Variants in PIEZO2 observed in about 807,000 individuals in gnomAD.
The protein encoded by PIEZO2 is piezo-type mechanosensitive ion channel component 2.
PIEZO2 carries 172 observed loss-of-function variants against 337.3 expected under a neutral mutation model. The ratio of observed to expected loss-of-function variants is 0.51; its 90% CI spans 0.45 to 0.58. The LOEUF (loss-of-function observed/expected upper bound fraction) is 0.58. PIEZO2 is among the 20% of genes least tolerant of loss of function. PIEZO2 has a pLI of 0.00. For synonymous variants in PIEZO2, 1,251 were observed against 1,228.5 expected, an observed-to-expected ratio of 1.02 and a Z score of -0.38; for missense variants, 3,028 against 3,391.3, an observed-to-expected ratio of 0.89 and a Z score of 2.66.
intron 2 of PIEZO2, among the ~76,000 whole-genome samples, chr18:11,004,067 A>G (rs1449367418): frequency 6.6e-6 from 1 of 152,222 alleles, no homozygotes; most frequent in Admixed American, 6.5e-5. Context: ...GCCTGCCTGC[A>G]GAAACTCCCT....
Position 10,860,987 on chromosome 18 carries a change from G to C in PIEZO2, c.493-3776C>G, listed in dbSNP as rs1425870028. Among the ~76,000 whole-genome samples, 3 of 152,332 alleles carry C rather than the reference G, an allele frequency of 2.0e-5. No homozygotes were observed. In the East Asian group the frequency reaches 5.8e-4, roughly 29 times the overall value. ...AAGCTGAGAGCCAAGAGCGAGACGG[G>C]TTAGACTCTGTGAGCCCCTACTGTC... On this transcript the variant is annotated intron_variant, in intron 5 of 55. Transcript: ENST00000674853.
chr18:11,051,543 C>G (rs2037538446), intron 2 of PIEZO2, among the ~76,000 whole-genome samples: 3 of 152,088 alleles, frequency 2.0e-5, no homozygotes, highest in African/African-American at 7.2e-5. Flanking sequence ...AACTGATTCT[C>G]CCAAGAAAGA....
At chr18:11,075,907 G>C (rs1310315972) in intron 1 of PIEZO2, among the ~76,000 whole-genome samples, 1 of 149,904 alleles carries the variant, frequency 6.7e-6, no homozygotes, top group African/African-American at 2.5e-5. Flanking sequence ...TCCTGCCTCA[G>C]CCTCCCGAGT....
intron 28 of PIEZO2, among the ~76,000 whole-genome samples, chr18:10,752,397 C>A (rs1167426853): frequency 6.6e-6 from 1 of 152,154 alleles, no homozygotes; most frequent in African/African-American, 2.4e-5. Context: ...AGAATTTATT[C>A]CTATGAACAC....
At chr18:11,049,931 T>A (rs2037464160) in intron 2 of PIEZO2, among the ~76,000 whole-genome samples, 1 of 152,206 alleles carries the variant, frequency 6.6e-6, no homozygotes, top group Non-Finnish European at 1.5e-5. Flanking sequence ...TAACACTTAT[T>A]GTAGCCAAAT....
At position 10,791,344 on chromosome 18, in the gene PIEZO2, A is replaced by G. The variant is rs1358992427; in HGVS notation, c.1759-20T>C. The G allele has an allele frequency of 4.1e-6, 6 of 1,474,046 alleles. No homozygotes were observed. Among genetic ancestry groups the G allele is most frequent in the Non-Finnish European group, 5.4e-6 (6 of 1,116,322 alleles). 91.3% of individuals were successfully genotyped at this position (1,474,046 alleles called of 1,614,324 possible). ...AAGGATCTGAAAGTAGAGAAGCAGC[A>G]AAACAAGAATTAAGCAACCATTTGG... is the stretch of plus-strand genomic sequence containing the variant. On this transcript the variant is annotated intron_variant, in intron 13 of 55. Transcript: ENST00000674853.
At chr18:10,956,444 T>C (rs560587998) in intron 3 of PIEZO2, among the ~76,000 whole-genome samples, 1 of 152,100 alleles carries the variant, frequency 6.6e-6, no homozygotes, top group Non-Finnish European at 1.5e-5. Flanking sequence ...TGTTAAAATC[T>C]CCCTACTACT....
Position 11,096,922 on chromosome 18 carries a change from C to T in PIEZO2, c.65-30700G>A, listed in dbSNP as rs1568370435. ...GCTTTCATCTGCAGCCCTCCAATCC[C>T]TATCCTGGAGAAGGAAGCTGGCACA... is the stretch of plus-strand genomic sequence containing the variant. On this transcript the variant is annotated intron_variant, in intron 1 of 55. Coordinates refer to ENST00000674853, the MANE Select transcript of PIEZO2 (RefSeq NM_001378183.1). The surrounding 1 kb of genome is among the most constrained non-coding windows in gnomAD (Gnocchi z 4.6). Among the ~76,000 whole-genome samples the T allele has an allele frequency of 2.6e-5, 4 of 152,192 alleles. No individual in the cohort carries two copies. The South Asian group carries it at 8.3e-4, about 31-fold the overall frequency.
rs538757262 is a variant in PIEZO2, at chr18:10,830,962, G to A, written c.918-23688C>T. 3.2e-4 allele frequency among the ~76,000 whole-genome samples: 48 copies of A among 152,116 alleles called. No individual in the cohort carries two copies. The highest frequency in any genetic ancestry group is 5.1e-4 in the Non-Finnish European group (35 of 68,006). ...GCATAATTTATCACCAGAGAAATGCGAATCAAAACTACAAATTATCTCACC... is the reference window on the plus strand; with the variant it reads ...GCATAATTTATCACCAGAGAAATGCAAATCAAAACTACAAATTATCTCACC... On this transcript the variant is annotated intron_variant, in intron 7 of 55. Coordinates refer to ENST00000674853, the MANE Select transcript of PIEZO2 (RefSeq NM_001378183.1). The surrounding 1 kb of genome is among the most constrained non-coding windows in gnomAD (Gnocchi z 4.7).
chr18:10,757,145 G>A (rs886746126), intron 27 of PIEZO2, among the ~76,000 whole-genome samples: 1 of 150,658 alleles, frequency 6.6e-6, no homozygotes, highest in Non-Finnish European at 1.5e-5. Context: ...ATAAAGTTGA[G>A]GGATGGAGAA....
chr18:11,044,863 T>C (rs1464019748), intron 2 of PIEZO2, among the ~76,000 whole-genome samples: 1 of 152,156 alleles, frequency 6.6e-6, no homozygotes, highest in African/African-American at 2.4e-5. Flanking sequence ...AAAGAAAATG[T>C]ATTGGCTGGG....
At chr18:10,963,617 G>A (rs879410480) in intron 3 of PIEZO2, among the ~76,000 whole-genome samples, 3 of 152,280 alleles carry the variant, frequency 2.0e-5, no homozygotes, top group Middle Eastern at 6.8e-3. Flanking sequence ...TTAATTCATG[G>A]TAGAGTGAGA....
intron 3 of PIEZO2, among the ~76,000 whole-genome samples, chr18:10,949,152 T>A (rs548678424): frequency 6.6e-6 from 1 of 152,164 alleles, no homozygotes; most frequent in African/African-American, 2.4e-5. Context: ...GAGGAAGTAA[T>A]TGTATACATT....
intron 27 of PIEZO2, among the ~76,000 whole-genome samples, 172 bp downstream of exon 27, chr18:10,757,797 T>G (rs1466057917): frequency 3.9e-5 from 6 of 152,160 alleles, no homozygotes; most frequent in Admixed American, 2.6e-4. Flanking sequence ...AGTGCTATAA[T>G]TCAGAGGCTC....
intron 7 of PIEZO2, among the ~76,000 whole-genome samples, chr18:10,814,993 T>C (rs2040319716): frequency 6.6e-6 from 1 of 152,190 alleles, no homozygotes; most frequent in Non-Finnish European, 1.5e-5. Flanking sequence ...CGATGGTCCC[T>C]GGGGATTTAA....
chr18:10,956,062 A>G (rs1346795684), intron 3 of PIEZO2, among the ~76,000 whole-genome samples: 1 of 152,116 alleles, frequency 6.6e-6, no homozygotes. Flanking sequence ...TTAGTATTTT[A>G]TGGAATTCAT....
rs2038049825 is a variant in PIEZO2, at chr18:10,759,852, T to C, written c.3508A>G (p.Ile1170Val). 1 of 1,537,458 alleles carries C rather than the reference T, an allele frequency of 6.5e-7. No individual in the cohort carries two copies. The highest frequency in any genetic ancestry group is 8.7e-7 in the Non-Finnish European group (1 of 1,146,976). Residue 1170 changes from isoleucine to valine, a missense_variant, in exon 25 of 56, where the codon ATC (isoleucine) becomes GTC (valine). This residue lies in a region of PIEZO2 where 1,925 missense variants were observed against 2,051.9 expected (regional missense o/e 0.94). Transcript: ENST00000674853. The surrounding 1 kb of genome is among the most constrained non-coding windows in gnomAD (Gnocchi z 5.5). The stretch of plus-strand genomic sequence containing the variant: ...ACAGCGATCAGCCAGCAGGCGTGGA[T>C]CATGGCATAGAAATCCATTCGCTGG... ...IGQRMDFYAM[I>V]HACWLIAVLY... is the part of the protein sequence containing the mutation.
At chr18:10,699,751 G>A (rs1452062787) in intron 43 of PIEZO2, among the ~76,000 whole-genome samples, 1 of 152,208 alleles carries the variant, frequency 6.6e-6, no homozygotes, top group Non-Finnish European at 1.5e-5. Context: ...GAGACAGATA[G>A]CTTTTGGCAG....
intron 38 of PIEZO2, 39 bp downstream of exon 38, chr18:10,715,611 T>C: frequency 4.1e-6 from 6 of 1,468,230 alleles, no homozygotes; most frequent in Non-Finnish European, 5.4e-6. Flanking sequence ...GTCTTCTTAA[T>C]GTGGGAAGGA....
Sources: gnomAD v4.1 joint callset for allele counts (sites outside exome capture counted in the v4.1 genomes callset) on GRCh38, gnomAD v4.1.1 for gene constraint, gnomAD v4.1.1 regional missense constraint, Gnocchi (gnomAD v3.1) non-coding constraint, MANE v1.5 for transcripts, NCBI Gene and HGNC (gene_info 2026-07-23, HGNC 2026-07-21) for gene names.